EIF3E: variants seen among roughly 807,000 people sequenced by gnomAD.
The protein encoded by EIF3E is eukaryotic translation initiation factor 3 subunit E, also known as eIF-3 p48.
A neutral mutation model predicts 59.3 loss-of-function variants in EIF3E; 25 were observed. The ratio of observed to expected loss-of-function variants is 0.42; its 90% CI spans 0.31 to 0.59. The LOEUF (loss-of-function observed/expected upper bound fraction) is 0.59. Among genes scored for constraint, EIF3E ranks in the 20% least tolerant of loss-of-function variants. The pLI, the probability that EIF3E is intolerant of heterozygous loss-of-function variation, is 0.15. For missense variants in EIF3E, 317 were observed against 534.3 expected (o/e 0.59, Z 4.01); for synonymous variants, 176 against 170.2 (o/e 1.03, Z -0.26).
intron 6 of EIF3E, 78 bp downstream of exon 6, chr8:108,228,992 C>T (rs376768174): frequency 2.9e-6 from 4 of 1,371,700 alleles, no homozygotes; most frequent in African/African-American, 1.5e-5. Flanking sequence ...TCCCAAAATG[C>T]ATAGTGATTT....
intron 10 of EIF3E, among the ~76,000 whole-genome samples, chr8:108,204,731 G>GTATATATATA (rs148053969): frequency 3.5e-3 from 301 of 86,088 alleles, no homozygotes; most frequent in East Asian, 5.7e-3. Context: ...TAGTATGTAT[G>GTATATATATA]TATATATATA....
chr8:108,220,569 T>C (rs1454564086), intron 7 of EIF3E, among the ~76,000 whole-genome samples: 1 of 152,226 alleles, frequency 6.6e-6, no homozygotes, highest in Non-Finnish European at 1.5e-5. Context: ...ATTCTACATA[T>C]AAACACTTTT....
Position 108,235,110 on chromosome 8 carries a change from G to GA in EIF3E, c.367-9dup, listed in dbSNP as rs745400190. The GA allele has an allele frequency of 6.4e-3, 8,689 of 1,351,190 alleles. 1 individual carries two copies. The highest frequency in any genetic ancestry group is 0.01 in the South Asian group (695 of 69,022). The allele number at this position is 1,351,190 out of a possible 1,614,324, so 83.7% of individuals were successfully genotyped here. A position where few individuals can be genotyped will look rare whatever the true frequency, so the allele number is the denominator to read the frequency against. On this transcript the variant is annotated splice_polypyrimidine_tract_variant and intron_variant, in intron 4 of 12. Transcript: ENST00000220849. ...TAAATATTCCTGCCTAAACTAAAAA[G>GA]AAAAAAAAAAGATTAAGTTCTCTTT...
chr8:108,226,475 C>T (rs1190885290), intron 7 of EIF3E, among the ~76,000 whole-genome samples: 1 of 152,168 alleles, frequency 6.6e-6, no homozygotes, highest in East Asian at 1.9e-4. Flanking sequence ...AAATTACAGG[C>T]GTAAGCCACT....
chr8:108,240,190 C>T, intron 2 of EIF3E, 115 bp from the exon 3 acceptor site: 1 of 837,374 alleles, frequency 1.2e-6, no homozygotes, highest in Non-Finnish European at 2.1e-6. Flanking sequence ...TATTTATTTA[C>T]CCCCAATATA....
At chr8:108,210,774 G>A (rs1815192572) in intron 10 of EIF3E, among the ~76,000 whole-genome samples, 1 of 151,764 alleles carries the variant, frequency 6.6e-6, no homozygotes, top group East Asian at 1.9e-4. Flanking sequence ...AGGCCCCGGT[G>A]TGTGATGTTC....
rs1815020966 is a variant in EIF3E at position 108,202,962 on chromosome 8, TAGA to T, written c.1299+18_1299+20del. 1 of 1,606,746 alleles carries T rather than the reference TAGA, an allele frequency of 6.2e-7. No homozygotes were observed. The highest frequency in any genetic ancestry group is 8.5e-7 in the Non-Finnish European group (1 of 1,176,716). On this transcript the variant is annotated intron_variant, in intron 12 of 12. Transcript: ENST00000220849. ...CATGGTTGCTAAACCCCAGACAGAATAGAAGATGTGTGGTTCTTACCTCTGACC... is the reference window on the plus strand; with the variant it reads ...CATGGTTGCTAAACCCCAGACAGAATAGATGTGTGGTTCTTACCTCTGACC...
intron 1 of EIF3E, chr8:108,242,501 C>A (rs959385138): frequency 8.4e-7 from 1 of 1,185,524 alleles, no homozygotes; most frequent in Non-Finnish European, 1.1e-6. Context: ...TGTAAAGATT[C>A]TACAAAATAT....
At chr8:108,245,497 T>G (rs976846929) in intron 1 of EIF3E, among the ~76,000 whole-genome samples, 19 of 152,184 alleles carry the variant, frequency 1.2e-4, no homozygotes, top group Non-Finnish European at 2.6e-4. Context: ...GAGTACTCAC[T>G]CTGTCCCAGA....
At chr8:108,246,476 T>C (rs1815951830) in intron 1 of EIF3E, among the ~76,000 whole-genome samples, 1 of 152,218 alleles carries the variant, frequency 6.6e-6, no homozygotes, top group South Asian at 2.1e-4. Flanking sequence ...ATCAAAAACA[T>C]TCAACTCTAA....
Position 108,206,592 on chromosome 8 carries a change from G to GCACA in EIF3E, c.1062-3093_1062-3090dup, listed in dbSNP as rs58104020. Among the ~76,000 whole-genome samples the GCACA allele has an allele frequency of 1.6e-4, 24 of 149,686 alleles. 1 individual carries two copies. The highest frequency in any genetic ancestry group is 1.4e-3 in the East Asian group (7 of 5,010). ...ACACAGCAAGATTCTGTGCACATGT[G>GCACA]CACACACACACACACACACACACAC... On this transcript the variant is annotated intron_variant, in intron 10 of 12. Coordinates refer to ENST00000220849, the MANE Select transcript of EIF3E (RefSeq NM_001568.3).
intron 6 of EIF3E, 54 bp downstream of exon 6, chr8:108,229,016 G>A (rs1325804932): frequency 2.0e-6 from 3 of 1,469,036 alleles, no homozygotes; most frequent in Non-Finnish European, 2.7e-6. Flanking sequence ...TCATCAGAAA[G>A]TGTGAAGGAT....
At chr8:108,238,675 A>C (rs896770887) in intron 3 of EIF3E, among the ~76,000 whole-genome samples, 1 of 152,106 alleles carries the variant, frequency 6.6e-6, no homozygotes, top group Non-Finnish European at 1.5e-5. Context: ...ATAGTACGCT[A>C]TAGTATGGCA....
chr8:108,207,032 T>A (rs1285638691), intron 10 of EIF3E, among the ~76,000 whole-genome samples: 1 of 152,184 alleles, frequency 6.6e-6, no homozygotes, highest in Non-Finnish European at 1.5e-5. Context: ...CTTTTCGAAG[T>A]GAATCAGGTC....
At chr8:108,203,195 C>T in intron 11 of EIF3E, 78 bp from the exon 12 acceptor site, 1 of 1,523,366 alleles carries the variant, frequency 6.6e-7, no homozygotes, top group Non-Finnish European at 8.9e-7. Flanking sequence ...CATGACATAC[C>T]TTTGCGCATA....
chr8:108,211,260 T>G (rs1172912875), intron 10 of EIF3E, among the ~76,000 whole-genome samples: 3 of 152,144 alleles, frequency 2.0e-5, no homozygotes, highest in Admixed American at 2.0e-4. Context: ...CAGCACCTGT[T>G]GTTTCCTGAC....
At chr8:108,235,827 T>C (rs2129912174) in intron 4 of EIF3E, among the ~76,000 whole-genome samples, 2 of 152,344 alleles carry the variant, frequency 1.3e-5, no homozygotes, top group Middle Eastern at 6.8e-3. Context: ...CGTTAATCCA[T>C]AAGAAAAGGC....
At chr8:108,242,210 C>T in intron 1 of EIF3E, 1 of 1,310,828 alleles carries the variant, frequency 7.6e-7, no homozygotes, top group Non-Finnish European at 1.0e-6. Context: ...CCATCTCTTA[C>T]CCTTTCTAGG....
At position 108,217,431 on chromosome 8, in the gene EIF3E, G is replaced by A; in HGVS notation, c.752C>T (p.Pro251Leu). The A allele has an allele frequency of 6.2e-7, 1 of 1,602,482 alleles. No individual in the cohort carries two copies. The highest frequency in any genetic ancestry group is 8.5e-7 in the Non-Finnish European group (1 of 1,175,080). Residue 251 changes from proline to leucine, a missense_variant, in exon 8 of 13, where the codon CCA becomes CTA. Transcript: ENST00000220849. ...TGTAGTCAAATAGCGAAGAATGTGT[G>A]GACACATTGTCTGAATTGCATTAAG... is the stretch of plus-strand genomic sequence containing the variant. ...QYLNAIQTMC[P>L]HILRYLTTAV...
Sources: allele counts gnomAD v4.1 joint callset (sites outside exome capture counted in the v4.1 genomes callset), GRCh38; gene constraint gnomAD v4.1.1; transcripts MANE v1.5; gene names NCBI Gene and HGNC (gene_info 2026-07-23, HGNC 2026-07-21).